The following PLCB1 variants were observed in gnomAD, a reference collection of about 807,000 sequenced individuals.
The protein encoded by PLCB1 is phospholipase C beta 1, also known as 1-phosphatidylinositol 4,5-bisphosphate phosphodiesterase beta-1.
In PLCB1, 46 loss-of-function variants were observed where a neutral mutation model predicts 161.8. The ratio of observed to expected loss-of-function variants is 0.28; its 90% CI spans 0.22 to 0.36. PLCB1 has a LOEUF of 0.36. PLCB1 is among the 10% of genes least tolerant of loss of function. The pLI, the probability that PLCB1 is intolerant of heterozygous loss-of-function variation, is 1.00. For missense variants in PLCB1, 1,016 were observed against 1,472.5 expected (o/e 0.69, Z 5.07); for synonymous variants, 517 against 503.7 (o/e 1.03, Z -0.35).
chr20:8,523,699 T>A (rs1045912497), intron 3 of PLCB1, among the ~76,000 whole-genome samples: 8 of 151,310 alleles, frequency 5.3e-5, no homozygotes, highest in African/African-American at 1.9e-4. Context: ...ACAACACTTT[T>A]AAACCCACTA....
intron 4 of PLCB1, among the ~76,000 whole-genome samples, chr20:8,630,010 CT>C (rs1227710537): frequency 1.7e-4 from 10 of 60,596 alleles, no homozygotes; most frequent in Admixed American, 4.2e-4. Flanking sequence ...TTCTTTCTTT[CT>C]CTTTCTTCTT....
At chr20:8,612,590 C>G (rs966437356) in intron 3 of PLCB1, among the ~76,000 whole-genome samples, 14 of 152,192 alleles carry the variant, frequency 9.2e-5, no homozygotes, top group Non-Finnish European at 7.3e-5. Flanking sequence ...CGCGCATCCA[C>G]TAAACCCCAT....
intron 31 of PLCB1, among the ~76,000 whole-genome samples, chr20:8,858,195 C>G (rs1987131570): frequency 6.6e-6 from 1 of 152,132 alleles, no homozygotes; most frequent in South Asian, 2.1e-4. Flanking sequence ...AAAACATAAA[C>G]TAAATACTGT....
chr20:8,212,852 A>G (rs753710500), intron 2 of PLCB1, among the ~76,000 whole-genome samples: 4 of 152,168 alleles, frequency 2.6e-5, no homozygotes, highest in Non-Finnish European at 4.4e-5. Context: ...AAAATGCAGA[A>G]TCAAAGTATG....
intron 3 of PLCB1, among the ~76,000 whole-genome samples, chr20:8,412,413 A>G (rs1979084068): frequency 6.6e-6 from 1 of 152,230 alleles, no homozygotes; most frequent in African/African-American, 2.4e-5. Flanking sequence ...GAGAACAATT[A>G]TCACATCCAC....
intron 9 of PLCB1, among the ~76,000 whole-genome samples, chr20:8,683,297 T>G (rs140099883): frequency 0.014 from 2,057 of 152,192 alleles, 15 homozygotes; most frequent in Non-Finnish European, 0.022. Flanking sequence ...TTAGGGATGT[T>G]CAAAACAAGT....
At chr20:8,828,209 G>T (rs1007159930) in intron 31 of PLCB1, among the ~76,000 whole-genome samples, 6 of 152,150 alleles carry the variant, frequency 3.9e-5, no homozygotes, top group Admixed American at 2.0e-4. Context: ...CCTTTAACAT[G>T]TATCCAAAGG....
At chr20:8,720,514 T>A (rs1979566416) in intron 14 of PLCB1, among the ~76,000 whole-genome samples, 1 of 152,214 alleles carries the variant, frequency 6.6e-6, no homozygotes, top group South Asian at 2.1e-4. Context: ...ATTTCAAAGC[T>A]AGTTTACTTA....
At position 8,349,010 on chromosome 20, in the gene PLCB1, A is replaced by G. The variant is rs530721035; in HGVS notation, c.178-22372A>G. On this transcript the variant is annotated intron_variant, in intron 2 of 31. Transcript: ENST00000338037. ...TATATTTGTATATATATATGTATGT[A>G]TATACACACATACATATATATACAC... Among the ~76,000 whole-genome samples the G allele has an allele frequency of 8.5e-5, 13 of 152,296 alleles. No individual in the cohort carries two copies. In the East Asian group the frequency reaches 2.3e-3, roughly 27 times the overall value.
At chr20:8,631,835 C>T (rs1050725477) in intron 4 of PLCB1, among the ~76,000 whole-genome samples, 2 of 152,100 alleles carry the variant, frequency 1.3e-5, no homozygotes, top group Non-Finnish European at 2.9e-5. Flanking sequence ...TTTTGGATGT[C>T]TCCAGGTTCC....
chr20:8,220,389 T>G (rs1028995371), intron 2 of PLCB1, among the ~76,000 whole-genome samples: 2 of 152,170 alleles, frequency 1.3e-5, no homozygotes, highest in Non-Finnish European at 2.9e-5. Flanking sequence ...TCCCTGCAAA[T>G]TCACATCCAC....
chr20:8,794,861 A>G (rs962589092), intron 31 of PLCB1, among the ~76,000 whole-genome samples: 3 of 152,362 alleles, frequency 2.0e-5, no homozygotes, highest in Admixed American at 2.0e-4. Context: ...TGAAAAGCCA[A>G]TGGCTCAAAG....
chr20:8,766,630 A>C (rs550649025), intron 26 of PLCB1, among the ~76,000 whole-genome samples: 149 of 152,352 alleles, frequency 9.8e-4, no homozygotes, highest in Admixed American at 2.7e-3. Flanking sequence ...TCGAACGTGC[A>C]ATAAGATTCT....
chr20:8,533,403 G>A (rs913579993), intron 3 of PLCB1, among the ~76,000 whole-genome samples: 58 of 151,508 alleles, frequency 3.8e-4, no homozygotes, highest in Non-Finnish European at 6.5e-4. Context: ...TGGGTCAAAT[G>A]GTATTTCTAG....
At chr20:8,659,991 C>CAAAA (rs11482818) in intron 9 of PLCB1, among the ~76,000 whole-genome samples, 4 of 109,774 alleles carry the variant, frequency 3.6e-5, no homozygotes, top group African/African-American at 3.3e-5. Flanking sequence ...GACTCTGTCT[C>CAAAA]AAAAAAAAAA....
chr20:8,857,381 A>G (rs1052047305), intron 31 of PLCB1, among the ~76,000 whole-genome samples: 8 of 152,374 alleles, frequency 5.3e-5, no homozygotes, highest in African/African-American at 1.9e-4. Flanking sequence ...TAAGGTATCT[A>G]TATTGTTAAA....
intron 19 of PLCB1, 25 bp from the exon 20 acceptor site, chr20:8,737,003 A>T: frequency 6.3e-7 from 1 of 1,575,406 alleles, no homozygotes; most frequent in South Asian, 1.1e-5. Flanking sequence ...TTCCTTATGG[A>T]TTGATTGATT....
chr20:8,347,165 T>C (rs1986026021), intron 2 of PLCB1, among the ~76,000 whole-genome samples: 1 of 152,208 alleles, frequency 6.6e-6, no homozygotes, highest in Admixed American at 6.5e-5. Context: ...AATATGCTGA[T>C]TGAGAGAAAC....
intron 12 of PLCB1, among the ~76,000 whole-genome samples, chr20:8,710,656 A>C (rs186417523): frequency 2.3e-4 from 35 of 152,044 alleles, no homozygotes; most frequent in African/African-American, 8.2e-4. Context: ...CTGGGATTAC[A>C]GGCATGCACC....
Sources: gnomAD v4.1 joint callset for allele counts (sites outside exome capture counted in the v4.1 genomes callset) on GRCh38, gnomAD v4.1.1 for gene constraint, MANE v1.5 for transcripts, NCBI Gene and HGNC (gene_info 2026-07-23, HGNC 2026-07-21) for gene names.